Variants in DMD observed in about 807,000 individuals in gnomAD.
DMD encodes dystrophin.
In DMD, 63 loss-of-function variants were observed where a neutral mutation model predicts 330.1. That is an observed-to-expected ratio of 0.19 (90% CI 0.16 to 0.24). The LOEUF is 0.24. Ranked by LOEUF, DMD falls within the 10% of genes least tolerant of loss-of-function variation. The pLI is 1.00. For missense variants in DMD, 3,344 were observed against 2,684.1 expected (o/e 1.25, Z -5.43); for synonymous variants, 1,223 against 959.8 (o/e 1.27, Z -5.07).
intron 1 of DMD, among the ~76,000 whole-genome samples, chrX:33,166,171 A>T (rs1335813824): frequency 9.0e-6 from 1 of 111,069 alleles, no homozygotes; most frequent in Admixed American, 9.6e-5. Context: ...AATATAATGG[A>T]GTGATTGATA....
At chrX:33,087,770 G>T (rs2095029330) in intron 1 of DMD, among the ~76,000 whole-genome samples, 2 of 111,704 alleles carry the variant, frequency 1.8e-5, no homozygotes, top group African/African-American at 6.5e-5. Flanking sequence ...TGGTGACAAA[G>T]GAAGTACTCA....
Position 31,411,226 on chromosome X carries a change from T to C in DMD, c.9084+33255A>G, listed in dbSNP as rs142896557. ...CCTGTAGTAAAGAAACTTCTCTACT[T>C]ACAACTTCCCATAGGTAGCAATAAA... On this transcript the variant is annotated intron_variant, in intron 60 of 78. Transcript: ENST00000357033. 5.7e-4 allele frequency among the ~76,000 whole-genome samples: 64 copies of C among 111,450 alleles called. No homozygotes were observed. The East Asian group carries it at 0.016, about 27-fold the overall frequency.
chrX:32,516,307 T>A (rs1002332500), intron 18 of DMD, among the ~76,000 whole-genome samples: 2 of 111,909 alleles, frequency 1.8e-5, no homozygotes, highest in African/African-American at 6.5e-5. Flanking sequence ...AATCATTTCA[T>A]GTCCCATTTT....
At chrX:32,242,989 G>A (rs1295402254) in intron 43 of DMD, among the ~76,000 whole-genome samples, 1 of 105,581 alleles carries the variant, frequency 9.5e-6, no homozygotes, top group Non-Finnish European at 1.9e-5. Flanking sequence ...AAGGAAGGAA[G>A]GAAGGAAGAA....
intron 47 of DMD, among the ~76,000 whole-genome samples, chrX:31,889,395 C>T (rs2094201474): frequency 9.1e-6 from 1 of 110,311 alleles, no homozygotes; most frequent in Non-Finnish European, 1.9e-5. Flanking sequence ...AGGTAACAAG[C>T]CCTTTAATGG....
intron 44 of DMD, among the ~76,000 whole-genome samples, chrX:32,143,996 C>G (rs919628014): frequency 9.0e-6 from 1 of 111,435 alleles, no homozygotes; most frequent in Admixed American, 9.6e-5. Context: ...CTAATAAACT[C>G]TTAAGACTTG....
At chrX:32,877,411 T>C (rs992748115) in intron 2 of DMD, among the ~76,000 whole-genome samples, 36 of 112,952 alleles carry the variant, frequency 3.2e-4, no homozygotes, top group Middle Eastern at 4.6e-3. Flanking sequence ...GCTATAATTC[T>C]GAACTTTTTG....
chrX:32,405,956 G>T (rs1301702834), intron 30 of DMD, among the ~76,000 whole-genome samples: 4 of 110,999 alleles, frequency 3.6e-5, no homozygotes, highest in African/African-American at 6.6e-5. Flanking sequence ...TCTCCTTGAA[G>T]AGGTCCTTCA....
intron 74 of DMD, among the ~76,000 whole-genome samples, chrX:31,160,039 C>A (rs887991273): frequency 8.9e-5 from 10 of 112,196 alleles, no homozygotes; most frequent in African/African-American, 2.9e-4. Flanking sequence ...CAACAACTGG[C>A]CTTTGCATCT....
intron 44 of DMD, among the ~76,000 whole-genome samples, chrX:32,002,971 T>C (rs1010532285): frequency 7.2e-5 from 8 of 111,715 alleles, no homozygotes; most frequent in Admixed American, 3.8e-4. Context: ...ATTTCTTTAG[T>C]TTATTGTGAT....
intron 2 of DMD, among the ~76,000 whole-genome samples, chrX:32,857,253 T>G (rs190139975): frequency 8.9e-6 from 1 of 112,102 alleles, no homozygotes; most frequent in African/African-American, 3.2e-5. Context: ...AAAGCAACTT[T>G]ACTATACATA....
At chrX:32,689,213 T>C (rs1183629495) in intron 9 of DMD, among the ~76,000 whole-genome samples, 1 of 111,081 alleles carries the variant, frequency 9.0e-6, no homozygotes, top group Non-Finnish European at 1.9e-5. Context: ...TAAATCATTT[T>C]TTTAAAAACC....
At position 32,534,070 on chromosome X, in the gene DMD, C is replaced by G. The variant is rs139122768; in HGVS notation, c.2168+11089G>C. Among the ~76,000 whole-genome samples the G allele has an allele frequency of 4.3e-3, 477 of 112,047 alleles. 5 individuals carry two copies. Among genetic ancestry groups the G allele is most frequent in the African/African-American group, 0.015 (456 of 30,772 alleles). ...GTCAAAACAGAAGTAATACTCATTG[C>G]TTAACAAAGCCGGTTTTTAGTCAGC... On this transcript the variant is annotated intron_variant, in intron 17 of 78. Coordinates refer to ENST00000357033, the MANE Select transcript of DMD (RefSeq NM_004006.3).
At chrX:31,806,741 T>G (rs1443798584) in intron 50 of DMD, among the ~76,000 whole-genome samples, 1 of 112,599 alleles carries the variant, frequency 8.9e-6, no homozygotes, top group Admixed American at 9.4e-5. Flanking sequence ...CTATAATGCT[T>G]CAGATTTATC....
chrX:32,318,741 A>T (rs968552416), intron 41 of DMD, among the ~76,000 whole-genome samples: 1 of 111,958 alleles, frequency 8.9e-6, no homozygotes, highest in Admixed American at 9.5e-5. Context: ...CAAAATAGTC[A>T]AGGTAAAATA....
chrX:31,556,627 T>C (rs1398165101), intron 55 of DMD, among the ~76,000 whole-genome samples: 2 of 110,183 alleles, frequency 1.8e-5, no homozygotes, highest in Non-Finnish European at 3.8e-5. Flanking sequence ...CAAAGAAATG[T>C]TGAATTAAAA....
chrX:32,047,498 T>A (rs1251429233), intron 44 of DMD, among the ~76,000 whole-genome samples: 1 of 111,758 alleles, frequency 8.9e-6, no homozygotes, highest in Non-Finnish European at 1.9e-5. Context: ...CCTAAAATCT[T>A]TGCAGATAAT....
chrX:33,325,132 A>G (rs2148959222), intron 1 of DMD, among the ~76,000 whole-genome samples: 1 of 112,073 alleles, frequency 8.9e-6, no homozygotes, highest in African/African-American at 3.2e-5. Flanking sequence ...GTCAGGCTTG[A>G]TGTGTCTTTT....
chrX:32,337,953 C>T (rs1330920434), intron 41 of DMD, among the ~76,000 whole-genome samples: 1 of 111,346 alleles, frequency 9.0e-6, no homozygotes, highest in Non-Finnish European at 1.9e-5. Context: ...TTTTATTTTA[C>T]ACAAATATAT....
Sources: gnomAD v4.1 joint callset for allele counts (sites outside exome capture counted in the v4.1 genomes callset) on GRCh38, gnomAD v4.1.1 for gene constraint, MANE v1.5 for transcripts, NCBI Gene and HGNC (gene_info 2026-07-23, HGNC 2026-07-21) for gene names.